ABCA2: variants seen among roughly 807,000 people sequenced by gnomAD.
ABCA2 encodes the protein ATP-binding cassette sub-family A member 2.
Under a neutral mutation model 262.8 loss-of-function variants are expected in ABCA2, and 84 were observed. That is an observed-to-expected ratio of 0.32 (90% CI 0.27 to 0.38). ABCA2 has a LOEUF of 0.38. Among genes scored for constraint, ABCA2 ranks in the 10% least tolerant of loss-of-function variants. The pLI is 1.00. For synonymous variants in ABCA2, 1,696 were observed against 1,502.9 expected (o/e 1.13, Z -2.97); for missense variants, 2,662 against 3,405.9 (o/e 0.78, Z 5.44).
rs1007639627 is a variant in ABCA2 at position 137,015,002 on chromosome 9, A to G, written c.3793T>C (p.Cys1265Arg). Reference sequence around the variant, plus strand: ...GTGCTTGTGTCTGAGACCAGCAGGCAGGAGGCCACATGCTTGCGGATGAAC... The same window carrying G: ...GTGCTTGTGTCTGAGACCAGCAGGCGGGAGGCCACATGCTTGCGGATGAAC... ...SQFIRKHVAS[C>R]LLVSDTSTEL... The change falls in exon 25 of 49, where the codon TGC (cysteine) becomes CGC (arginine). Residue 1265 changes from cysteine (C) to arginine (R), a missense_variant. Physicochemically the swap from Cys to Arg is radical, Grantham distance 180. Coordinates refer to ENST00000341511, the MANE Select transcript of ABCA2 (RefSeq NM_001606.5). 3.1e-6 allele frequency: 5 copies of G among 1,600,452 alleles called. No individual in the cohort carries two copies. Among genetic ancestry groups the G allele is most frequent in the Non-Finnish European group, 4.3e-6 (5 of 1,173,232 alleles).
chr9:137,020,202 G>T, intron 10 of ABCA2, 134 bp downstream of exon 10: 1 of 1,201,204 alleles, frequency 8.3e-7, no homozygotes, highest in African/African-American at 1.5e-5. Context: ...TGCAGAGCCT[G>T]TGTCCCATCC....
chr9:137,028,398 G>A (rs1831737163), upstream of ABCA2: 1 of 524,398 alleles, frequency 1.9e-6, no homozygotes, highest in Admixed American at 6.6e-5. This position sits in a 1 kb window ranked among gnomAD's most constrained non-coding sequence, Gnocchi z 6.9. Context: ...CCGCGCCCGG[G>A]ACCGACCCGG....
rs1204778948 is a variant in ABCA2 at position 137,021,878 on chromosome 9, T to C, written c.678+13A>G. 1.7e-5 allele frequency: 27 copies of C among 1,577,516 alleles called. No homozygotes were observed. Among genetic ancestry groups the C allele is most frequent in the Non-Finnish European group, 2.2e-5 (25 of 1,160,026 alleles). On this transcript the variant is annotated intron_variant, in intron 7 of 48. Coordinates refer to ENST00000341511, the MANE Select transcript of ABCA2 (RefSeq NM_001606.5). The surrounding 1 kb of genome is among the most constrained non-coding windows in gnomAD (Gnocchi z 6.0). ...CAGCACTCCAGGCCCATCCCACACA[T>C]GGATGCCCTCACCTCCATCCGGAAC...
rs749244518 is a variant in ABCA2 at position 137,022,398 on chromosome 9, T to C, written c.520A>G (p.Asn174Asp). ...RFLTQNLSLP[N>D]STAQALLAAR... ...GCCAAGAGTGCTTGGGCCGTGCTAT[T>C]GGGCAGCGACAAGTTTTGCGTCAGG... is the stretch of plus-strand genomic sequence containing the variant. The change falls in exon 6 of 49, where the codon AAT (asparagine) becomes GAT (aspartate). Residue 174 changes from asparagine (N) to aspartate (D), a missense_variant. Around this residue, in one of 12 missense-constraint regions of ABCA2, gnomAD observed 403 missense variants for 375.9 expected, o/e 1.07. Transcript: ENST00000341511. The C allele has an allele frequency of 1.2e-6, 2 of 1,611,516 alleles. No homozygotes were observed. The highest frequency in any genetic ancestry group is 3.3e-5 in the Admixed American group (2 of 59,852).
rs1386051263 is a variant in ABCA2 at position 137,022,733 on chromosome 9, G to T, written c.408C>A (p.Gly136=). The change falls in exon 5 of 49, where the codon GGC becomes GGA. Residue 136 remains glycine, a synonymous_variant. Transcript: ENST00000341511. ...QHLEALSAGP[G]TSGSHLDRST... is the part of the protein sequence containing the mutation. ...ATCTGTCCAGGTGGCTCCCCGAGGTGCCCGGGCCCGCACTGAGGGCCTCCA... is the reference window on the plus strand; with the variant it reads ...ATCTGTCCAGGTGGCTCCCCGAGGTTCCCGGGCCCGCACTGAGGGCCTCCA... 1.2e-6 allele frequency: 2 copies of T among 1,605,986 alleles called. No homozygotes were observed. The highest frequency in any genetic ancestry group is 1.7e-6 in the Non-Finnish European group (2 of 1,178,206).
chr9:137,008,902 C>CA (rs781618092), intron 46 of ABCA2, 34 bp from the exon 47 acceptor site: 4 of 1,596,814 alleles, frequency 2.5e-6, no homozygotes, highest in Non-Finnish European at 2.5e-6. Context: ...CTGGCAGCGC[C>CA]CCCCCACCCC....
intron 5 of ABCA2, 75 bp downstream of exon 5, chr9:137,022,627 G>T: frequency 6.4e-7 from 1 of 1,565,664 alleles, no homozygotes; most frequent in Non-Finnish European, 8.7e-7. Context: ...GCCCAGAGTG[G>T]ATGTGGGCTT....
At chr9:137,013,351 C>T in intron 29 of ABCA2, 33 bp from the exon 30 acceptor site, 6 of 1,528,236 alleles carry the variant, frequency 3.9e-6, no homozygotes, top group Non-Finnish European at 5.3e-6. Context: ...GTGGGGCTGC[C>T]AGTCTCCGCC....
At chr9:137,023,131 CAG>C in intron 3 of ABCA2, 79 bp from the exon 4 acceptor site, 1 of 1,149,882 alleles carries the variant, frequency 8.7e-7, no homozygotes, top group Non-Finnish European at 1.3e-6. Context: ...GGGAGGGAGA[CAG>C]AGGCCGAGAG....
intron 39 of ABCA2, 26 bp from the exon 40 acceptor site, chr9:137,010,763 C>T (rs779954816): frequency 4.4e-6 from 7 of 1,596,782 alleles, no homozygotes; most frequent in Non-Finnish European, 5.1e-6. Context: ...GGACAGTGTC[C>T]AGCAGCTCGC....
chr9:137,014,126 T>TC, intron 27 of ABCA2, 42 bp downstream of exon 27: 1 of 1,591,548 alleles, frequency 6.3e-7, no homozygotes, highest in Non-Finnish European at 8.6e-7. Flanking sequence ...GCAACCCTGC[T>TC]CCCCCTCCCT....
Position 137,019,416 on chromosome 9 carries a change from C to A in ABCA2, c.1426-110G>T. ...GCTGGTCCATTGCCAACAACTAACC[C>A]TCCCCACCTTTTTTTTTTTTTTTTT... On this transcript the variant is annotated intron_variant, in intron 10 of 48. Transcript: ENST00000341511. The surrounding 1 kb of genome is among the most constrained non-coding windows in gnomAD (Gnocchi z 4.4). 1 of 1,304,470 alleles carries A rather than the reference C, an allele frequency of 7.7e-7. No homozygotes were observed. The highest frequency in any genetic ancestry group is 1.0e-6 in the Non-Finnish European group (1 of 966,792). The allele number at this position is 1,304,470 out of a possible 1,614,324, so 80.8% of individuals were successfully genotyped here.
rs746859487 is a variant in ABCA2, at chr9:137,011,278, C to G, written c.5831G>C (p.Ser1944Thr). The G allele has an allele frequency of 6.8e-6, 11 of 1,612,378 alleles. No homozygotes were observed. The highest frequency in any genetic ancestry group is 7.6e-6 in the Non-Finnish European group (9 of 1,179,824). The change falls in exon 38 of 49, where the codon AGC (serine) becomes ACC (threonine). Residue 1944 changes from serine (S) to threonine (T), a missense_variant. Ser to Thr is a moderately conservative substitution (Grantham distance 58, BLOSUM62 1). Coordinates refer to ENST00000341511, the MANE Select transcript of ABCA2 (RefSeq NM_001606.5). The surrounding 1 kb of genome is among the most constrained non-coding windows in gnomAD (Gnocchi z 8.8). Reference sequence around the variant, plus strand: ...GTAGTTGGGGAAAATGAGGAAGCAGCTTTTCAGGTAACTGTTGACAACCTT... The same window carrying G: ...GTAGTTGGGGAAAATGAGGAAGCAGGTTTTCAGGTAACTGTTGACAACCTT... ...DLKVVNSYLKSCFLIFPNYNL... is the reference protein window; with the variant it reads ...DLKVVNSYLKTCFLIFPNYNL...
intron 3 of ABCA2, chr9:137,023,469 G>A (rs1314391427): frequency 2.8e-6 from 2 of 723,134 alleles, no homozygotes; most frequent in African/African-American, 3.4e-5. Context: ...GTGAGTGCAA[G>A]AGCCTGAAGG....
At chr9:137,015,926 CGCCCACCT>C in intron 22 of ABCA2, 28 bp downstream of exon 22, 2 of 1,575,032 alleles carry the variant, frequency 1.3e-6, no homozygotes, top group Non-Finnish European at 8.6e-7. Context: ...CCAGGGCCTC[CGCCCACCT>C]GCCCCGCCCC....
At chr9:137,009,110 C>CCCCAGCCT in intron 45 of ABCA2, 57 bp from the exon 46 acceptor site, 36 of 1,539,178 alleles carry the variant, frequency 2.3e-5, no homozygotes, top group Non-Finnish European at 3.2e-5. Context: ...AGCCCCAGCC[C>CCCCAGCCT]CCCAGCCTCC....
intron 5 of ABCA2, 95 bp downstream of exon 5, chr9:137,022,607 A>G: frequency 6.4e-7 from 1 of 1,556,600 alleles, no homozygotes; most frequent in Non-Finnish European, 8.7e-7. Flanking sequence ...AACTCAGTGC[A>G]GGTGGAGGGG....
Position 137,013,274 on chromosome 9 carries a change from G to T in ABCA2, c.4595C>A (p.Thr1532Lys). The change falls in exon 30 of 49, where the codon ACG becomes AAG. Residue 1532 changes from threonine to lysine, a missense_variant. Transcript: ENST00000341511. ...PDASPQQLVSTFRLPSGVGAT... is the reference protein window; with the variant it reads ...PDASPQQLVSKFRLPSGVGAT... ...ACCCACCCCCGACGGCAGCCGGAAC[G>T]TGCTCACGAGCTGCTGGGGGCTGGC... 6.3e-7 allele frequency: 1 copy of T among 1,585,748 alleles called. No homozygotes were observed. Among genetic ancestry groups the T allele is most frequent in the Non-Finnish European group, 8.5e-7 (1 of 1,171,632 alleles).
chr9:137,026,609 A>G (rs749160467), intron 1 of ABCA2, among the ~76,000 whole-genome samples: 1 of 152,088 alleles, frequency 6.6e-6, no homozygotes, highest in Non-Finnish European at 1.5e-5. Flanking sequence ...GGGCAGCCCA[A>G]ACCAGCAGCT....
Sources: gnomAD v4.1 joint callset for allele counts (sites outside exome capture counted in the v4.1 genomes callset) on GRCh38, gnomAD v4.1.1 for gene constraint, gnomAD v4.1.1 regional missense constraint, Gnocchi (gnomAD v3.1) non-coding constraint, MANE v1.5 for transcripts, NCBI Gene and HGNC (gene_info 2026-07-23, HGNC 2026-07-21) for gene names.